The following KHDRBS3 variants were observed in gnomAD, a reference collection of about 807,000 sequenced individuals.
KHDRBS3 encodes the protein KH RNA binding domain containing, signal transduction associated 3.
In KHDRBS3, 23 loss-of-function variants were observed where a neutral mutation model predicts 45.6. The ratio of observed to expected loss-of-function variants is 0.50; its 90% CI spans 0.36 to 0.72. KHDRBS3 has a LOEUF of 0.72. Ranked by LOEUF, KHDRBS3 falls within the 30% of genes least tolerant of loss-of-function variation. The pLI is 0.00. For missense variants in KHDRBS3, 352 were observed against 424.8 expected, an observed-to-expected ratio of 0.83 and a Z score of 1.51; for synonymous variants, 162 against 156.5, an observed-to-expected ratio of 1.04 and a Z score of -0.26.
At chr8:135,549,361 A>G (rs749890967) in intron 4 of KHDRBS3, 1 of 152,398 alleles carries the variant, frequency 6.6e-6, no homozygotes, top group Non-Finnish European at 1.5e-5. Flanking sequence ...ACATCAACAG[A>G]TGATTTCAGT....
At chr8:135,493,543 C>T (rs993519461) in intron 1 of KHDRBS3, among the ~76,000 whole-genome samples, 2 of 152,062 alleles carry the variant, frequency 1.3e-5, no homozygotes, top group Non-Finnish European at 2.9e-5. Context: ...TGCATCTCTT[C>T]AGTTGATGAT....
chr8:135,570,987 A>T lies in KHDRBS3; in HGVS notation c.612-10891A>T, dbSNP rs564107015. 3.9e-5 allele frequency among the ~76,000 whole-genome samples: 6 copies of T among 152,338 alleles called. No individual in the cohort carries two copies. The East Asian group carries it at 1.2e-3, about 29-fold the overall frequency. On this transcript the variant is annotated intron_variant, in intron 5 of 8. Transcript: ENST00000355849. ...TTTAAAATCACTTGCATAGGCTTTG[A>T]GAAGACAATAACAGAGGCAAATAGT...
intron 6 of KHDRBS3, among the ~76,000 whole-genome samples, chr8:135,585,443 A>G (rs972878633): frequency 6.6e-6 from 1 of 152,128 alleles, no homozygotes; most frequent in Non-Finnish European, 1.5e-5. Context: ...TCTAAATTCC[A>G]TGAGGGTAGG....
chr8:135,579,247 T>C (rs1289585159), intron 5 of KHDRBS3, among the ~76,000 whole-genome samples: 1 of 152,204 alleles, frequency 6.6e-6, no homozygotes, highest in Non-Finnish European at 1.5e-5. Flanking sequence ...ATAGTAGTTG[T>C]GAGAGTAGAC....
At chr8:135,466,009 AAT>A (rs1313578551) in intron 1 of KHDRBS3, among the ~76,000 whole-genome samples, 1 of 152,068 alleles carries the variant, frequency 6.6e-6, no homozygotes, top group Non-Finnish European at 1.5e-5. Flanking sequence ...TCTCTGCTTC[AAT>A]GTTTGTGCCG....
At chr8:135,650,824 C>T (rs1166276314), downstream of KHDRBS3, among the ~76,000 whole-genome samples, 1 of 152,170 alleles carries the variant, frequency 6.6e-6, no homozygotes, top group Non-Finnish European at 1.5e-5. Flanking sequence ...GCACCAGATT[C>T]CTTCATGGAG....
intron 4 of KHDRBS3, among the ~76,000 whole-genome samples, chr8:135,551,065 T>G (rs1826567214): frequency 1.3e-5 from 2 of 152,196 alleles, no homozygotes; most frequent in Non-Finnish European, 2.9e-5. Flanking sequence ...TTTTGTATAT[T>G]GATTTTGTAT....
chr8:135,495,043 G>A (rs911119783), intron 1 of KHDRBS3, among the ~76,000 whole-genome samples: 2 of 152,176 alleles, frequency 1.3e-5, no homozygotes, highest in Non-Finnish European at 2.9e-5. Context: ...TCCCCTAGTC[G>A]TGCTTGTGAG....
chr8:135,653,545 C>T (rs893727139), intron 4 of KHDRBS3, among the ~76,000 whole-genome samples: 29 of 152,196 alleles, frequency 1.9e-4, no homozygotes, highest in Admixed American at 5.2e-4. Flanking sequence ...TGGTATGATA[C>T]TCTTGCCATG....
chr8:135,541,682 C>G (rs1416943397), intron 2 of KHDRBS3: 1 of 152,158 alleles, frequency 6.6e-6, no homozygotes, highest in African/African-American at 2.4e-5. Flanking sequence ...AAGCATCTTG[C>G]CAAGGCGAAC....
chr8:135,458,328 G>A (rs554320354), intron 1 of KHDRBS3: 116 of 468,656 alleles, frequency 2.5e-4, no homozygotes, highest in Non-Finnish European at 3.3e-4. Flanking sequence ...GGGAAGTAGG[G>A]CGTTTGGTTT....
intron 1 of KHDRBS3, among the ~76,000 whole-genome samples, chr8:135,502,324 T>A (rs1823775941): frequency 6.6e-6 from 1 of 152,208 alleles, no homozygotes; most frequent in South Asian, 2.1e-4. Flanking sequence ...TTTGTCTCAC[T>A]GCTGTTCTTT....
intron 1 of KHDRBS3, among the ~76,000 whole-genome samples, chr8:135,463,084 C>T (rs894799645): frequency 6.6e-6 from 1 of 152,152 alleles, no homozygotes; most frequent in Non-Finnish European, 1.5e-5. Flanking sequence ...CACATAACAC[C>T]TGGTGCTCTT....
At chr8:135,641,171 C>T (rs961067268) in intron 7 of KHDRBS3, among the ~76,000 whole-genome samples, 2 of 152,068 alleles carry the variant, frequency 1.3e-5, no homozygotes, top group Non-Finnish European at 2.9e-5. Context: ...CATTCTTTAC[C>T]CTCATTTTTA....
At chr8:135,519,319 C>T (rs892580103) in intron 1 of KHDRBS3, among the ~76,000 whole-genome samples, 6 of 152,116 alleles carry the variant, frequency 3.9e-5, no homozygotes, top group Non-Finnish European at 8.8e-5. Context: ...CGGGAGTTAG[C>T]GTCAGGCCTC....
intron 1 of KHDRBS3, among the ~76,000 whole-genome samples, chr8:135,467,062 A>G (rs1278585234): frequency 6.6e-6 from 1 of 152,232 alleles, no homozygotes; most frequent in Non-Finnish European, 1.5e-5. Flanking sequence ...GTTATTATGC[A>G]TTGCATGCCT....
intron 1 of KHDRBS3, among the ~76,000 whole-genome samples, chr8:135,512,406 A>T: frequency 8.5e-6 from 1 of 117,944 alleles, no homozygotes; most frequent in South Asian, 3.1e-4. Flanking sequence ...ACTTTACACA[A>T]GAGTTAAGGT....
chr8:135,477,972 G>A (rs918048736), intron 1 of KHDRBS3, among the ~76,000 whole-genome samples: 1 of 152,180 alleles, frequency 6.6e-6, no homozygotes, highest in African/African-American at 2.4e-5. Context: ...CCACCTGAGC[G>A]CTGCCTCCTG....
At chr8:135,485,913 A>G (rs1404333207) in intron 1 of KHDRBS3, among the ~76,000 whole-genome samples, 1 of 149,538 alleles carries the variant, frequency 6.7e-6, no homozygotes. Context: ...ACAAAGATAC[A>G]CCAGGCAAGA....
Sources: allele counts gnomAD v4.1 joint callset (sites outside exome capture counted in the v4.1 genomes callset), GRCh38; gene constraint gnomAD v4.1.1; transcripts MANE v1.5; gene names NCBI Gene and HGNC (gene_info 2026-07-23, HGNC 2026-07-21).